Variants in TRHDE observed in about 807,000 individuals in gnomAD.
The protein encoded by TRHDE is thyrotropin releasing hormone degrading enzyme, also known as thyrotropin-releasing hormone-degrading ectoenzyme.
TRHDE carries 72 observed loss-of-function variants against 125.7 expected under a neutral mutation model. That is an observed-to-expected ratio of 0.57 (90% confidence interval 0.47 to 0.70). The LOEUF (loss-of-function observed/expected upper bound fraction) is 0.70, where lower values mean the gene tolerates loss of function less well. Among genes scored for constraint, TRHDE ranks in the 30% least tolerant of loss-of-function variants. TRHDE has a pLI of 0.00. For synonymous variants in TRHDE, 509 were observed against 509.1 expected, an observed-to-expected ratio of 1.00 and a Z score of 0.00; for missense variants, 1,110 against 1,327.1, an observed-to-expected ratio of 0.84 and a Z score of 2.54.
chr12:72,104,020 A>G (rs1475869054), intron 1 of TRHDE, among the ~76,000 whole-genome samples: 2 of 152,218 alleles, frequency 1.3e-5, no homozygotes, highest in South Asian at 2.1e-4. Context: ...TCTGACCTCC[A>G]TTGTCTGGAG....
chr12:72,421,038 A>G (rs953525623), intron 3 of TRHDE, among the ~76,000 whole-genome samples: 2 of 151,146 alleles, frequency 1.3e-5, no homozygotes, highest in Admixed American at 1.3e-4. Context: ...GCGCGATCTC[A>G]GCTCACTGCA....
At chr12:72,250,579 T>TA (rs908590421) in intron 2 of TRHDE, among the ~76,000 whole-genome samples, 6 of 151,966 alleles carry the variant, frequency 3.9e-5, no homozygotes, top group Non-Finnish European at 7.4e-5. Flanking sequence ...AAAGGCAACT[T>TA]AAAAAATCTT....
At chr12:72,297,956 C>G (rs1240883878) in intron 2 of TRHDE, among the ~76,000 whole-genome samples, 1 of 152,168 alleles carries the variant, frequency 6.6e-6, no homozygotes, top group Non-Finnish European at 1.5e-5. Context: ...CATTGAGCCC[C>G]AAGGTTTCCA....
intron 12 of TRHDE, among the ~76,000 whole-genome samples, chr12:72,592,868 GC>G (rs1871751021): frequency 6.6e-6 from 1 of 151,976 alleles, no homozygotes; most frequent in Admixed American, 6.6e-5. Flanking sequence ...CTGCCACTAT[GC>G]CCGGCTAATT....
intron 2 of TRHDE, among the ~76,000 whole-genome samples, chr12:72,119,330 G>A (rs1039497843): frequency 5.9e-5 from 9 of 151,990 alleles, no homozygotes; most frequent in Admixed American, 1.3e-4. Context: ...TAATTTCCAT[G>A]TGTTTGTATT....
intron 15 of TRHDE, among the ~76,000 whole-genome samples, chr12:72,627,912 G>T (rs1873329015): frequency 6.6e-6 from 1 of 151,344 alleles, no homozygotes; most frequent in South Asian, 2.1e-4. Context: ...TAAACTCCTG[G>T]TCTCAAGCAA....
In TRHDE at chr12:72,588,504, A is replaced by G. The variant is rs73353884; in HGVS notation, c.2321+12962A>G. Among the ~76,000 whole-genome samples the G allele has an allele frequency of 1.8e-3, 269 of 152,350 alleles. 3 individuals are homozygous for G. The highest frequency in any genetic ancestry group is 6.3e-3 in the African/African-American group (264 of 41,580). On this transcript the variant is annotated intron_variant, in intron 12 of 18. Coordinates refer to ENST00000261180, the MANE Select transcript of TRHDE (RefSeq NM_013381.3). Reference sequence around the variant, plus strand: ...GGCAGGAAAAGGACATTGATCATGTAATAAACTATTGTGAGAATTTGCAGT... The same window carrying G: ...GGCAGGAAAAGGACATTGATCATGTGATAAACTATTGTGAGAATTTGCAGT...
intron 6 of TRHDE, among the ~76,000 whole-genome samples, chr12:72,520,332 A>AT (rs1456014859): frequency 2.0e-5 from 3 of 152,218 alleles, no homozygotes; most frequent in Non-Finnish European, 4.4e-5. Flanking sequence ...GGTGCGGGAT[A>AT]TAATCTCGTG....
At chr12:72,223,793 C>T (rs930810709) in intron 2 of TRHDE, among the ~76,000 whole-genome samples, 3 of 152,036 alleles carry the variant, frequency 2.0e-5, no homozygotes, top group African/African-American at 7.2e-5. Context: ...TTTTCAGTCC[C>T]TTTCAGGTGT....
chr12:72,402,646 AAGGTCACATTCAC>A (rs1873092251), intron 3 of TRHDE, among the ~76,000 whole-genome samples: 1 of 152,194 alleles, frequency 6.6e-6, no homozygotes, highest in African/African-American at 2.4e-5. Flanking sequence ...ATTTCCAAGT[AAGGTCACATTCAC>A]AGGTACTGAG....
intron 1 of TRHDE, among the ~76,000 whole-genome samples, chr12:72,100,647 G>T (rs1237635618): frequency 6.6e-6 from 1 of 152,142 alleles, no homozygotes. Flanking sequence ...ATTGCTGCTT[G>T]CTAGTCCCTT....
chr12:72,124,994 A>T (rs1287254926), intron 2 of TRHDE, among the ~76,000 whole-genome samples: 1 of 152,198 alleles, frequency 6.6e-6, no homozygotes, highest in Non-Finnish European at 1.5e-5. Context: ...ATGTTGAGTC[A>T]TTATTGTATT....
In TRHDE at chr12:72,552,324, G is replaced by C. The variant is rs531038040; in HGVS notation, c.1789-9841G>C. Among the ~76,000 whole-genome samples the C allele has an allele frequency of 7.9e-5, 12 of 152,236 alleles. No individual in the cohort carries two copies. The South Asian group carries it at 2.5e-3, about 32-fold the overall frequency. ...GTTCATAGAAATAGAGACATAGATG[G>C]ATCTGAAATGTTTTTTAATGGTCGA... On this transcript the variant is annotated intron_variant, in intron 7 of 18. Coordinates refer to ENST00000261180, the MANE Select transcript of TRHDE (RefSeq NM_013381.3).
At chr12:72,536,612 G>A (rs1259676472) in intron 6 of TRHDE, among the ~76,000 whole-genome samples, 2 of 152,020 alleles carry the variant, frequency 1.3e-5, no homozygotes, top group Non-Finnish European at 2.9e-5. Flanking sequence ...TGACCTTTGT[G>A]ATGGTAAATG....
intron 6 of TRHDE, among the ~76,000 whole-genome samples, chr12:72,519,680 C>T (rs1012417139): frequency 7.2e-5 from 11 of 152,234 alleles, no homozygotes; most frequent in Non-Finnish European, 1.6e-4. Context: ...TATTCCATTG[C>T]TGGTGAGGAA....
At chr12:72,361,001 C>T (rs886965232) in intron 2 of TRHDE, among the ~76,000 whole-genome samples, 1 of 131,506 alleles carries the variant, frequency 7.6e-6, no homozygotes, top group African/African-American at 2.5e-5. Context: ...CCACCTCAGG[C>T]CCCAGTGTGT....
intron 2 of TRHDE, chr12:72,254,244 T>C (rs1167801567): frequency 6.6e-6 from 1 of 152,212 alleles, no homozygotes; most frequent in East Asian, 1.9e-4. Flanking sequence ...CTTCCACCCC[T>C]CTTATCTCTA....
At chr12:72,440,484 T>G (rs1378594287) in intron 3 of TRHDE, among the ~76,000 whole-genome samples, 1 of 151,940 alleles carries the variant, frequency 6.6e-6, no homozygotes, top group East Asian at 1.9e-4. Context: ...GTTTTTCGTT[T>G]TGTAGAGGGC....
intron 15 of TRHDE, among the ~76,000 whole-genome samples, chr12:72,626,677 C>G (rs886370079): frequency 2.0e-5 from 3 of 151,842 alleles, no homozygotes; most frequent in African/African-American, 7.3e-5. Flanking sequence ...GGCAAATGTC[C>G]CTTTGTCCAC....
Sources: gnomAD v4.1 joint callset for allele counts (sites outside exome capture counted in the v4.1 genomes callset) on GRCh38, gnomAD v4.1.1 for gene constraint, MANE v1.5 for transcripts, NCBI Gene and HGNC (gene_info 2026-07-23, HGNC 2026-07-21) for gene names.